The following ASPRV1 variants were observed in gnomAD, a reference collection of about 807,000 sequenced individuals.
ASPRV1 encodes the protein retroviral-like aspartic protease 1.
A neutral mutation model predicts 11.0 loss-of-function variants in ASPRV1; 7 were observed. That is an observed-to-expected ratio of 0.64 (90% confidence interval 0.36 to 1.20). The LOEUF (loss-of-function observed/expected upper bound fraction) is 1.20. Ranked by LOEUF, ASPRV1 falls within the 50% of genes most tolerant of loss-of-function variation. The pLI, the probability that ASPRV1 is intolerant of heterozygous loss-of-function variation, is 0.02. For missense variants in ASPRV1, 299 were observed against 320.0 expected (o/e 0.93, Z 0.50); for synonymous variants, 136 against 138.4 (o/e 0.98, Z 0.12).
the ASPRV1 span, among the ~76,000 whole-genome samples, chr2:70,025,837 G>A: frequency 1.3e-5 from 2 of 152,184 alleles, no homozygotes; most frequent in Non-Finnish European, 2.9e-5. Context: ...ACTTGACCAG[G>A]CATGTCCAAA....
At chr2:69,945,082 A>C in the ASPRV1 span, among the ~76,000 whole-genome samples, 8 of 152,138 alleles carry the variant, frequency 5.3e-5, no homozygotes, top group East Asian at 1.5e-3. Context: ...CCCATTGCCC[A>C]CTTAGGCCTT....
At chr2:70,038,631 G>A in the ASPRV1 span, among the ~76,000 whole-genome samples, 1 of 152,212 alleles carries the variant, frequency 6.6e-6, no homozygotes, top group Admixed American at 6.5e-5. Flanking sequence ...CCCTTGGTAG[G>A]CTCTGGACAC....
chr2:70,012,264 C>A, the ASPRV1 span: 1 of 151,818 alleles, frequency 6.6e-6, no homozygotes, highest in African/African-American at 2.4e-5. Context: ...ATGCCATGCT[C>A]CTGCCTCAGC....
the ASPRV1 span, among the ~76,000 whole-genome samples, chr2:70,053,578 T>C: frequency 6.6e-6 from 1 of 152,202 alleles, no homozygotes; most frequent in Non-Finnish European, 1.5e-5. Flanking sequence ...CTAAAGCACA[T>C]TCAGGTCCAG....
the ASPRV1 span, among the ~76,000 whole-genome samples, chr2:70,065,499 C>T: frequency 6.6e-6 from 1 of 150,560 alleles, no homozygotes; most frequent in East Asian, 1.9e-4. Flanking sequence ...TTGATAAGTG[C>T]GATCACAGAA....
At chr2:70,031,882 G>A in the ASPRV1 span, 1 of 152,224 alleles carries the variant, frequency 6.6e-6, no homozygotes, top group Non-Finnish European at 1.5e-5. Context: ...AGGGTGGCAA[G>A]ATGGCCCTCA....
At chr2:70,075,280 T>G in the ASPRV1 span, 1 of 149,658 alleles carries the variant, frequency 6.7e-6, no homozygotes, top group Non-Finnish European at 1.5e-5. Context: ...AGCTGATTTT[T>G]TTTGTATTTT....
the ASPRV1 span, among the ~76,000 whole-genome samples, chr2:69,950,566 G>T: frequency 2.6e-5 from 4 of 152,132 alleles, no homozygotes; most frequent in African/African-American, 7.2e-5. Flanking sequence ...GGGAGGCTGG[G>T]CGCAGTGGCT....
the ASPRV1 span, among the ~76,000 whole-genome samples, chr2:70,009,631 T>A: frequency 6.6e-5 from 10 of 152,122 alleles, no homozygotes; most frequent in Non-Finnish European, 8.8e-5. Flanking sequence ...CACCTGGCCA[T>A]AACTTACTAT....
chr2:70,027,802 ATC>A, the ASPRV1 span, among the ~76,000 whole-genome samples: 1 of 152,212 alleles, frequency 6.6e-6, no homozygotes, highest in Admixed American at 6.5e-5. Flanking sequence ...ACAGTTAATA[ATC>A]TGTCATGTTT....
chr2:70,057,296 A>G, the ASPRV1 span, among the ~76,000 whole-genome samples: 4 of 152,142 alleles, frequency 2.6e-5, no homozygotes, highest in Non-Finnish European at 5.9e-5. Flanking sequence ...ATGGGTATAT[A>G]ACAAGTATAC....
chr2:70,036,335 C>A, the ASPRV1 span, among the ~76,000 whole-genome samples: 1 of 151,934 alleles, frequency 6.6e-6, no homozygotes, highest in African/African-American at 2.4e-5. Flanking sequence ...TATGTTGTAG[C>A]ATGCAAAATG....
chr2:70,012,082 C>T, the ASPRV1 span: 1 of 151,874 alleles, frequency 6.6e-6, no homozygotes, highest in African/African-American at 2.4e-5. Context: ...GTCGTATAGG[C>T]CATGGCTCTC....
chr2:70,079,851 T>C, the ASPRV1 span, among the ~76,000 whole-genome samples: 7 of 152,346 alleles, frequency 4.6e-5, no homozygotes, highest in South Asian at 1.4e-3. Context: ...TTCTATTTAA[T>C]TCAGCTATAT....
upstream of ASPRV1, chr2:69,963,348 C>T: frequency 2.2e-6 from 1 of 456,558 alleles, no homozygotes; most frequent in South Asian, 1.5e-5. Context: ...GAGAAATGGC[C>T]CAGCCACACG....
At chr2:69,978,729 C>T in the ASPRV1 span, among the ~76,000 whole-genome samples, 1 of 152,166 alleles carries the variant, frequency 6.6e-6, no homozygotes. Flanking sequence ...GCAAACCTCG[C>T]GCCCTCCAAG....
At chr2:69,965,753 A>G (rs1292600575), upstream of ASPRV1, among the ~76,000 whole-genome samples, 1 of 152,122 alleles carries the variant, frequency 6.6e-6, no homozygotes, top group African/African-American at 2.4e-5. Context: ...ACAGTCAGTC[A>G]TGGCCAAGGG....
At chr2:70,000,149 C>T in the ASPRV1 span, among the ~76,000 whole-genome samples, 1 of 152,052 alleles carries the variant, frequency 6.6e-6, no homozygotes, top group South Asian at 2.1e-4. Context: ...TAAAAATGAA[C>T]AAGACTAAAT....
the ASPRV1 span, among the ~76,000 whole-genome samples, chr2:69,972,619 A>C: frequency 6.6e-6 from 1 of 151,890 alleles, no homozygotes; most frequent in Non-Finnish European, 1.5e-5. Flanking sequence ...CAGCCTCCTA[A>C]AGTGCTGGGA....
Sources: gnomAD v4.1 joint callset for allele counts (sites outside exome capture counted in the v4.1 genomes callset) on GRCh38, gnomAD v4.1.1 for gene constraint, MANE v1.5 for transcripts, NCBI Gene and HGNC (gene_info 2026-07-23, HGNC 2026-07-21) for gene names.